CACNA1C: variants seen among roughly 807,000 people sequenced by gnomAD.
CACNA1C encodes calcium voltage-gated channel subunit alpha1 C.
CACNA1C carries 30 observed loss-of-function variants against 229.0 expected under a neutral mutation model. That is an observed-to-expected ratio of 0.13 (90% confidence interval 0.10 to 0.18). CACNA1C has a LOEUF of 0.18. Ranked by LOEUF, CACNA1C falls within the 10% of genes least tolerant of loss-of-function variation. CACNA1C has a pLI of 1.00. For synonymous variants in CACNA1C, 1,114 were observed against 1,132.5 expected, an observed-to-expected ratio of 0.98 and a Z score of 0.33; for missense variants, 1,658 against 2,845.0, an observed-to-expected ratio of 0.58 and a Z score of 9.49.
intron 1 of CACNA1C, among the ~76,000 whole-genome samples, chr12:2,006,966 G>A (rs1186046226): frequency 6.6e-6 from 1 of 152,208 alleles, no homozygotes; most frequent in Non-Finnish European, 1.5e-5. Flanking sequence ...TGCAGCAACT[G>A]AGCAACCACA....
intron 3 of CACNA1C, among the ~76,000 whole-genome samples, chr12:2,356,624 T>A (rs927342067): frequency 2.6e-5 from 4 of 152,232 alleles, no homozygotes; most frequent in Non-Finnish European, 5.9e-5. Flanking sequence ...AGAAAAAACA[T>A]GACCTGAAGA....
intron 3 of CACNA1C, among the ~76,000 whole-genome samples, chr12:2,223,707 TG>T: frequency 6.6e-6 from 1 of 152,328 alleles, no homozygotes; most frequent in Non-Finnish European, 1.5e-5. Flanking sequence ...CTTATAGAGT[TG>T]TTTTGCCAGT....
At chr12:2,071,164 C>CCTTCCTTCCTG (rs1207254237) in intron 1 of CACNA1C, among the ~76,000 whole-genome samples, 3 of 22,632 alleles carry the variant, frequency 1.3e-4, no homozygotes, top group East Asian at 6.4e-4. Context: ...CTCCCTCCCT[C>CCTTCCTTCCTG]CCTCCCTCCC....
chr12:2,268,456 T>G (rs2083311370), intron 3 of CACNA1C, among the ~76,000 whole-genome samples: 1 of 152,140 alleles, frequency 6.6e-6, no homozygotes, highest in East Asian at 1.9e-4. Context: ...TTTGGAAAAT[T>G]GTGTCTTTTT....
rs547463451 is a variant in CACNA1C, at chr12:2,486,395, A to G, written c.916+133A>G. 1.1e-5 allele frequency: 7 copies of G among 661,810 alleles called. No homozygotes were observed. The Admixed American group carries it at 1.5e-4, about 15-fold the overall frequency. The allele number at this position is 661,810 out of a possible 1,614,324, so 41.0% of individuals were successfully genotyped here. On this transcript the variant is annotated intron_variant, in intron 6 of 46. Transcript: ENST00000399655. This position sits in a 1 kb window ranked among gnomAD's most constrained non-coding sequence, Gnocchi z 4.9. ...CCATTCATTCAGACACACACTGGGC[A>G]TGGTTAAGTGAGAGGCAGAGACCCG...
intron 3 of CACNA1C, among the ~76,000 whole-genome samples, chr12:2,160,263 G>A (rs973457857): frequency 1.3e-5 from 2 of 152,300 alleles, no homozygotes; most frequent in South Asian, 2.1e-4. Flanking sequence ...CAGATTCCTA[G>A]CTGGCACAGT....
intron 3 of CACNA1C, among the ~76,000 whole-genome samples, chr12:2,385,257 A>G (rs1482207155): frequency 6.6e-6 from 1 of 152,176 alleles, no homozygotes; most frequent in Non-Finnish European, 1.5e-5. Flanking sequence ...CTTTATAGAC[A>G]GGAAGACCGG....
At chr12:2,550,471 C>T in intron 10 of CACNA1C, 1 of 1,225,566 alleles carries the variant, frequency 8.2e-7, no homozygotes, top group Non-Finnish European at 1.1e-6. Context: ...GGGAGAGAAG[C>T]AGCCAGGTGA....
intron 3 of CACNA1C, among the ~76,000 whole-genome samples, chr12:2,128,415 T>A (rs572168614): frequency 6.6e-6 from 1 of 151,896 alleles, no homozygotes; most frequent in Non-Finnish European, 1.5e-5. Flanking sequence ...ACATTATTTT[T>A]TTACCTTTTT....
intron 27 of CACNA1C, 111 bp from the exon 28 acceptor site, chr12:2,610,430 A>C: frequency 9.3e-7 from 1 of 1,080,594 alleles, no homozygotes; most frequent in South Asian, 1.7e-5. Flanking sequence ...ACTTCCGGAG[A>C]ACCCCACCCC....
At chr12:2,414,962 T>C (rs2098849767) in intron 3 of CACNA1C, among the ~76,000 whole-genome samples, 1 of 151,936 alleles carries the variant, frequency 6.6e-6, no homozygotes, top group Non-Finnish European at 1.5e-5. Context: ...CCTCCTGGAG[T>C]CAGGTATGAG....
At chr12:2,094,139 A>G (rs1285826849) in intron 1 of CACNA1C, among the ~76,000 whole-genome samples, 1 of 152,226 alleles carries the variant, frequency 6.6e-6, no homozygotes, top group East Asian at 1.9e-4. Context: ...GAAGGCTGCC[A>G]AAGAGCCTGG....
Position 2,346,348 on chromosome 12 carries a change from G to A in CACNA1C, c.478-102628G>A, listed in dbSNP as rs573611490. Reference sequence around the variant, plus strand: ...CTTTGTAATGTGTGTGTGTGCCTATGTATGTCTCTGTGTTTGTGTGTTTGT... The same window carrying A: ...CTTTGTAATGTGTGTGTGTGCCTATATATGTCTCTGTGTTTGTGTGTTTGT... On this transcript the variant is annotated intron_variant, in intron 3 of 46. Transcript: ENST00000399655. The surrounding 1 kb of genome is among the most constrained non-coding windows in gnomAD (Gnocchi z 4.4). Among the ~76,000 whole-genome samples, 25 of 152,142 alleles carry A rather than the reference G, an allele frequency of 1.6e-4. No homozygotes were observed. The highest frequency in any genetic ancestry group is 2.9e-4 in the Non-Finnish European group (20 of 68,008).
intron 1 of CACNA1C, among the ~76,000 whole-genome samples, chr12:2,097,469 T>C (rs1474779776): frequency 6.6e-6 from 1 of 152,264 alleles, no homozygotes; most frequent in East Asian, 1.9e-4. Context: ...TTGAGGAACT[T>C]TCATCCTGTT....
In CACNA1C at chr12:2,493,370, C is replaced by T. The variant is rs1429990170; in HGVS notation, c.1097C>T (p.Thr366Met). 1.2e-6 allele frequency: 2 copies of T among 1,613,766 alleles called. No homozygotes were observed. Among genetic ancestry groups the T allele is most frequent in the African/African-American group, 1.3e-5 (1 of 74,910 alleles). ...CAGTGCATCACCATGGAGGGCTGGA[C>T]GGACGTGCTGTACTGGGTACGTAGC... is the stretch of plus-strand genomic sequence containing the variant. ...VFQCITMEGW[T>M]DVLYWVNDAV... The change falls in exon 7 of 47, where the codon ACG becomes ATG. Residue 366 changes from threonine to methionine, a missense_variant. Coordinates refer to ENST00000399655, the MANE Select transcript of CACNA1C (RefSeq NM_000719.7). The surrounding 1 kb of genome is among the most constrained non-coding windows in gnomAD (Gnocchi z 4.6).
At chr12:2,235,114 G>A (rs1396914653) in intron 3 of CACNA1C, among the ~76,000 whole-genome samples, 3 of 152,106 alleles carry the variant, frequency 2.0e-5, no homozygotes, top group Non-Finnish European at 2.9e-5. Flanking sequence ...GTCTCTATAC[G>A]TGGCTCTCTG....
rs185539988 is a variant in CACNA1C at position 2,416,195 on chromosome 12, C to T, written c.478-32781C>T. Among the ~76,000 whole-genome samples, 106 of 152,022 alleles carry T rather than the reference C, an allele frequency of 7.0e-4. 1 individual carries two copies. The highest frequency in any genetic ancestry group is 9.8e-4 in the Non-Finnish European group (67 of 68,034). Reference sequence around the variant, plus strand: ...AGGTCTTATTTGTTCACTCATTTACCGTCCTTCCCACCTGCGTGCACCTCC... The same window carrying T: ...AGGTCTTATTTGTTCACTCATTTACTGTCCTTCCCACCTGCGTGCACCTCC... On this transcript the variant is annotated intron_variant, in intron 3 of 46. Transcript: ENST00000399655.
At chr12:2,179,718 C>T (rs1418258467) in intron 3 of CACNA1C, among the ~76,000 whole-genome samples, 1 of 152,160 alleles carries the variant, frequency 6.6e-6, no homozygotes, top group Non-Finnish European at 1.5e-5. Context: ...CAAAGAGTAG[C>T]TCGAAAAAGA....
Position 2,319,843 on chromosome 12 carries a change from G to T in CACNA1C, c.478-129133G>T, listed in dbSNP as rs2095883486. 6.6e-6 allele frequency among the ~76,000 whole-genome samples: 1 copy of T among 152,002 alleles called. No individual in the cohort carries two copies. Among genetic ancestry groups the T allele is most frequent in the African/African-American group, 2.4e-5 (1 of 41,350 alleles). On this transcript the variant is annotated intron_variant, in intron 3 of 46. Transcript: ENST00000399655. This position sits in a 1 kb window ranked among gnomAD's most constrained non-coding sequence, Gnocchi z 4.0. ...CCAGGTATCCCCTTCTAGCAGGAGG[G>T]GCCCCCAGACATTTCACTTCATTCC... is the stretch of plus-strand genomic sequence containing the variant.
Sources: allele counts gnomAD v4.1 joint callset (sites outside exome capture counted in the v4.1 genomes callset), GRCh38; gene constraint gnomAD v4.1.1; non-coding constraint Gnocchi (gnomAD v3.1); transcripts MANE v1.5; gene names NCBI Gene and HGNC (gene_info 2026-07-23, HGNC 2026-07-21).